RGS13: variants seen among roughly 807,000 people sequenced by gnomAD.
RGS13 encodes the protein regulator of G protein signaling 13, also known as regulator of G-protein signalling 13.
A neutral mutation model predicts 19.9 loss-of-function variants in RGS13; 14 were observed. The ratio of observed to expected loss-of-function variants is 0.70; its 90% CI spans 0.46 to 1.10. The LOEUF (loss-of-function observed/expected upper bound fraction) is 1.10. Among genes scored for constraint, RGS13 ranks in the 50% least tolerant of loss-of-function variants. RGS13 has a pLI of 0.00. For missense variants in RGS13, 205 were observed against 187.1 expected, an observed-to-expected ratio of 1.10 and a Z score of -0.56; for synonymous variants, 60 against 56.8, an observed-to-expected ratio of 1.06 and a Z score of -0.25.
rs1252535966 is a variant in RGS13, at chr1:192,647,942, G to C, written c.82G>C (p.Val28Leu). 1.9e-6 allele frequency: 3 copies of C among 1,602,528 alleles called. No individual in the cohort carries two copies. The African/African-American group carries it at 4.0e-5, about 22-fold the overall frequency. ...RPPSNLTLEE[V>L]LQWAQSFENL... ...TTTTCAAAGCCTTACTTTGGAGGAA[G>C]TATTACAGTGGGCCCAGTCTTTTGA... Residue 28 changes from valine to leucine, a missense_variant, in exon 5 of 7, where the codon GTA becomes CTA. By Grantham distance (32) the Val-to-Leu change is conservative. Coordinates refer to ENST00000391995, the MANE Select transcript of RGS13 (RefSeq NM_002927.5).
At chr1:192,653,525 T>G (rs992888031) in intron 5 of RGS13, among the ~76,000 whole-genome samples, 42 of 152,028 alleles carry the variant, frequency 2.8e-4, no homozygotes, top group African/African-American at 1.0e-3. Context: ...AGCCAAAATA[T>G]TCAATGTAGG....
chr1:192,659,298 T>C, intron 6 of RGS13, 40 bp from the exon 7 acceptor site: 1 of 1,499,252 alleles, frequency 6.7e-7, no homozygotes, highest in Non-Finnish European at 9.1e-7. Context: ...TTTTTTCAAC[T>C]ATGCTAACTT....
At chr1:192,647,347 A>C (rs1363828621) in intron 4 of RGS13, 1 of 152,198 alleles carries the variant, frequency 6.6e-6, no homozygotes, top group Non-Finnish European at 1.5e-5. Flanking sequence ...GCTGGGCTAC[A>C]TTTGAGTTTT....
intron 5 of RGS13, 26 bp downstream of exon 5, chr1:192,648,013 T>C (rs1289032124): frequency 8.6e-6 from 13 of 1,515,646 alleles, no homozygotes; most frequent in South Asian, 1.2e-5. Flanking sequence ...CTGTCATCTT[T>C]GAATAACTAG....
chr1:192,658,087 T>A, intron 5 of RGS13, 114 bp from the exon 6 acceptor site: 2 of 679,180 alleles, frequency 2.9e-6, no homozygotes, highest in South Asian at 4.3e-5. Flanking sequence ...TATAAAATAT[T>A]TACTTGTTAA....
intron 5 of RGS13, among the ~76,000 whole-genome samples, chr1:192,650,192 T>C (rs991287692): frequency 6.6e-6 from 1 of 152,124 alleles, no homozygotes; most frequent in Non-Finnish European, 1.5e-5. Flanking sequence ...ATCAGCAATT[T>C]AGAATTCTAG....
Position 192,638,197 on chromosome 1 carries a change from T to C in RGS13, c.-11T>C, listed in dbSNP as rs1008122022. 1.4e-4 allele frequency: 22 copies of C among 152,102 alleles called. No individual in the cohort carries two copies. The highest frequency in any genetic ancestry group is 4.3e-4 in the African/African-American group (18 of 41,440). The allele number at this position is 152,102 out of a possible 1,614,324, so 9.4% of individuals were successfully genotyped here. A position where few individuals can be genotyped will look rare whatever the true frequency, so the allele number is the denominator to read the frequency against. On this transcript the variant is annotated 5_prime_UTR_variant, in exon 3 of 7. Transcript: ENST00000391995. The stretch of plus-strand genomic sequence containing the variant: ...CTAACGCTGCCTTTTCTCTTCTCAT[T>C]TTAGAGGTATGAGAATTTTAATTTC...
At chr1:192,658,585 AT>A (rs1352496879) in intron 6 of RGS13, 2 of 410,036 alleles carry the variant, frequency 4.9e-6, no homozygotes, top group African/African-American at 4.1e-5. Context: ...AAGATTCAAA[AT>A]TAAATCTATC....
rs146638057 is a variant in RGS13 at position 192,657,689 on chromosome 1, T to C, written c.128-512T>C. Among the ~76,000 whole-genome samples the C allele has an allele frequency of 2.4e-4, 37 of 152,284 alleles. No homozygotes were observed. In the East Asian group the frequency reaches 5.4e-3, roughly 22 times the overall value. On this transcript the variant is annotated intron_variant, in intron 5 of 6. Transcript: ENST00000391995. ...AATTCTTCATCTATCTGTGTTCTGC[T>C]CTGATTAGACATTGAGAAACACTCC...
intron 3 of RGS13, among the ~76,000 whole-genome samples, chr1:192,643,419 A>T (rs1663159904): frequency 6.6e-6 from 1 of 151,588 alleles, no homozygotes; most frequent in Admixed American, 6.6e-5. Flanking sequence ...GTTTTTTTAA[A>T]GTCCTGAGTT....
At chr1:192,648,079 T>G (rs1571582988) in intron 5 of RGS13, 92 bp downstream of exon 5, 1 of 824,010 alleles carries the variant, frequency 1.2e-6, no homozygotes, top group East Asian at 2.8e-5. Context: ...TGTATGCTAT[T>G]CTTCTCACAG....
intron 3 of RGS13, among the ~76,000 whole-genome samples, chr1:192,641,246 AAAGAAAGAAAAG>A (rs1489026855): frequency 4.5e-4 from 8 of 17,702 alleles, no homozygotes; most frequent in Non-Finnish European, 1.2e-3. Context: ...GAAAGAAAGA[AAAGAAAGAAAAG>A]AAAGAAAGAA....
Position 192,655,693 on chromosome 1 carries a change from C to G in RGS13, c.128-2508C>G, listed in dbSNP as rs966558148. ...GGAACAATACGACAATCTGCCACATCAAGTATCTGAAATATACCATATTTT... is the reference window on the plus strand; with the variant it reads ...GGAACAATACGACAATCTGCCACATGAAGTATCTGAAATATACCATATTTT... On this transcript the variant is annotated intron_variant, in intron 5 of 6. Transcript: ENST00000391995. Among the ~76,000 whole-genome samples, 9 of 152,012 alleles carry G rather than the reference C, an allele frequency of 5.9e-5. No individual in the cohort carries two copies. The East Asian group carries it at 1.7e-3, about 29-fold the overall frequency.
At chr1:192,641,306 GAA>G (rs71563592) in intron 3 of RGS13, among the ~76,000 whole-genome samples, 19 of 105,594 alleles carry the variant, frequency 1.8e-4, no homozygotes, top group Admixed American at 1.0e-3. Flanking sequence ...AAGAAAGAAA[GAA>G]AAGAAAGAAA....
chr1:192,644,170 T>G (rs920142160), intron 3 of RGS13, among the ~76,000 whole-genome samples, 161 bp from the exon 4 acceptor site: 2 of 152,130 alleles, frequency 1.3e-5, no homozygotes, highest in African/African-American at 4.8e-5. Context: ...CATTTTATTC[T>G]CCTCTCTCCT....
Position 192,659,795 on chromosome 1 carries a change from G to T in RGS13, c.*272G>T. 3.7e-6 allele frequency: 1 copy of T among 269,004 alleles called. No homozygotes were observed. Among genetic ancestry groups the T allele is most frequent in the Non-Finnish European group, 6.9e-6 (1 of 145,606 alleles). The allele number at this position is 269,004 out of a possible 1,614,324, so 16.7% of individuals were successfully genotyped here. A position where few individuals can be genotyped will look rare whatever the true frequency, so the allele number is the denominator to read the frequency against. ...TTCTTCATGATACAAGCATTATAAA[G>T]TTTTTACTGTAGTAGTCAATTAATG... On this transcript the variant is annotated 3_prime_UTR_variant, in exon 7 of 7. Coordinates refer to ENST00000391995, the MANE Select transcript of RGS13 (RefSeq NM_002927.5).
intron 5 of RGS13, among the ~76,000 whole-genome samples, chr1:192,651,703 A>AT (rs1663341284): frequency 1.3e-5 from 2 of 152,020 alleles, no homozygotes; most frequent in Non-Finnish European, 2.9e-5. Context: ...GTTATAAAGG[A>AT]GGAATACAGA....
chr1:192,648,822 A>G (rs567720073), intron 5 of RGS13, among the ~76,000 whole-genome samples: 1 of 152,192 alleles, frequency 6.6e-6, no homozygotes, highest in South Asian at 2.1e-4. Flanking sequence ...TGTGCTACTT[A>G]CATGCTTTAA....
At position 192,640,931 on chromosome 1, in the gene RGS13, T is replaced by C. The variant is rs117936767; in HGVS notation, c.-5+2728T>C. 7.7e-3 allele frequency among the ~76,000 whole-genome samples: 1,165 copies of C among 152,208 alleles called. 45 individuals carry two copies. Among genetic ancestry groups the C allele is most frequent in the Admixed American group, 0.061 (926 of 15,252 alleles). On this transcript the variant is annotated intron_variant, in intron 3 of 6. Transcript: ENST00000391995. The stretch of plus-strand genomic sequence containing the variant: ...CTTTCTTCTGTGTTTTCAAACTCTG[T>C]CTATGTACCTTTTGCCAACTTTAGA...
Sources: gnomAD v4.1 joint callset for allele counts (sites outside exome capture counted in the v4.1 genomes callset) on GRCh38, gnomAD v4.1.1 for gene constraint, MANE v1.5 for transcripts, NCBI Gene and HGNC (gene_info 2026-07-23, HGNC 2026-07-21) for gene names.